UFD1: variants seen among roughly 807,000 people sequenced by gnomAD.
The protein encoded by UFD1 is ubiquitin recognition factor in ER-associated degradation protein 1.
UFD1 carries 13 observed loss-of-function variants against 45.9 expected under a neutral mutation model. The observed-to-expected ratio is 0.28, with a 90% CI of 0.18 to 0.45. UFD1 has a LOEUF of 0.45. Ranked by LOEUF, UFD1 falls within the 20% of genes least tolerant of loss-of-function variation. The pLI, the probability that UFD1 is intolerant of heterozygous loss-of-function variation, is 1.00. For synonymous variants in UFD1, 128 were observed against 139.2 expected, an observed-to-expected ratio of 0.92 and a Z score of 0.56; for missense variants, 218 against 389.2, an observed-to-expected ratio of 0.56 and a Z score of 3.70.
chr22:19,452,867 A>G (rs1363782852), intron 11 of UFD1: 1 of 185,924 alleles, frequency 5.4e-6, no homozygotes, highest in African/African-American at 2.4e-5. Context: ...TTCTCTCTCT[A>G]GAAGCTTTAG....
At chr22:19,477,742 T>C (rs1189041636) in intron 1 of UFD1, among the ~76,000 whole-genome samples, 1 of 152,108 alleles carries the variant, frequency 6.6e-6, no homozygotes, top group African/African-American at 2.4e-5. Flanking sequence ...ATTCCAAATA[T>C]ATATTTAGTA....
Position 19,455,667 on chromosome 22 carries a change from A to G in UFD1, c.767+13T>C. 1 of 1,613,208 alleles carries G rather than the reference A, an allele frequency of 6.2e-7. No homozygotes were observed. Among genetic ancestry groups the G allele is most frequent in the East Asian group, 2.2e-5 (1 of 44,858 alleles). ...CCTCCTCCTGTCCTGGAGGAGAGCC[A>G]GGACAGACCTACCTTTTAATATCTC... On this transcript the variant is annotated intron_variant, in intron 10 of 11. Transcript: ENST00000263202.
chr22:19,475,030 C>T, intron 3 of UFD1, 38 bp downstream of exon 3: 1 of 1,594,604 alleles, frequency 6.3e-7, no homozygotes, highest in Non-Finnish European at 8.5e-7. Context: ...TCCATATGTA[C>T]ATTATCTAAG....
rs1230009766 is a variant in UFD1, at chr22:19,457,980, T to G, written c.564+91A>C. On this transcript the variant is annotated intron_variant, in intron 7 of 11. Coordinates refer to ENST00000263202, the MANE Select transcript of UFD1 (RefSeq NM_005659.7). ...TTTACCCAGAGTCCCAGGGGCTGTT[T>G]GATGCCCTCCTGACACCCTGGCCTG... The G allele has an allele frequency of 1.0e-5, 14 of 1,368,786 alleles. No homozygotes were observed. The East Asian group carries it at 3.2e-4, about 32-fold the overall frequency. The allele number at this position is 1,368,786 out of a possible 1,614,324, so 84.8% of individuals were successfully genotyped here.
In UFD1 at chr22:19,461,984, T is replaced by C. The variant is rs557180389; in HGVS notation, c.495+3218A>G. Reference sequence around the variant, plus strand: ...TTTGTTTTTAAACATTCAATATGCATGTAGACTTTTCAGGGTTTGCTTTTT... The same window carrying C: ...TTTGTTTTTAAACATTCAATATGCACGTAGACTTTTCAGGGTTTGCTTTTT... On this transcript the variant is annotated intron_variant, in intron 6 of 11. Transcript: ENST00000263202. Among the ~76,000 whole-genome samples, 4 of 152,340 alleles carry C rather than the reference T, an allele frequency of 2.6e-5. No individual in the cohort carries two copies. In the South Asian group the frequency reaches 6.2e-4, roughly 24 times the overall value.
chr22:19,475,328 C>T (rs1601904088), intron 2 of UFD1, 142 bp downstream of exon 2: 1 of 1,335,550 alleles, frequency 7.5e-7, no homozygotes, highest in East Asian at 2.3e-5. Flanking sequence ...CCCAACAGAG[C>T]AAGTCAGGGA....
At chr22:19,456,786 A>G (rs2089726811) in intron 8 of UFD1, 67 bp downstream of exon 8, 1 of 1,613,860 alleles carries the variant, frequency 6.2e-7, no homozygotes, top group East Asian at 2.2e-5. Flanking sequence ...GCCACCCACG[A>G]GCCACTGCCA....
rs559609206 is a variant in UFD1, at chr22:19,454,117, C to T, written c.849+632G>A. On this transcript the variant is annotated intron_variant, in intron 11 of 11. Coordinates refer to ENST00000263202, the MANE Select transcript of UFD1 (RefSeq NM_005659.7). Reference sequence around the variant, plus strand: ...AAGGTCTCTGTTGGAAGACGAAGCCCACCCAGGGCACACAGTTCTGTGATA... The same window carrying T: ...AAGGTCTCTGTTGGAAGACGAAGCCTACCCAGGGCACACAGTTCTGTGATA... 6.1e-6 allele frequency: 6 copies of T among 985,694 alleles called. No homozygotes were observed. The East Asian group carries it at 6.8e-4, about 112-fold the overall frequency. The allele number at this position is 985,694 out of a possible 1,614,324, so 61.1% of individuals were successfully genotyped here.
intron 8 of UFD1, 62 bp from the exon 9 acceptor site, chr22:19,456,696 C>T (rs2089725761): frequency 1.9e-6 from 3 of 1,613,478 alleles, no homozygotes; most frequent in South Asian, 2.2e-5. Context: ...TCCCTCTCAC[C>T]CCCACCCCCG....
Position 19,451,191 on chromosome 22 carries a change from T to C in UFD1, c.850-447A>G, listed in dbSNP as rs9618574. ...ACATTTCAGGTCACTTTTCTGTACA[T>C]GCTTAAAGAATTGTTTTCCCACTTA... On this transcript the variant is annotated intron_variant, in intron 11 of 11. Transcript: ENST00000263202. 0.019 allele frequency: 18,801 copies of C among 985,948 alleles called. 2,695 individuals are homozygous for C. The African/African-American group carries it at 0.3, about 16-fold the overall frequency. 61.1% of individuals were successfully genotyped at this position (985,948 alleles called of 1,614,324 possible). A position where few individuals can be genotyped will look rare whatever the true frequency, so the allele number is the denominator to read the frequency against.
chr22:19,474,605 G>T (rs573441099), intron 3 of UFD1, among the ~76,000 whole-genome samples: 3 of 152,314 alleles, frequency 2.0e-5, no homozygotes, highest in Admixed American at 6.5e-5. Flanking sequence ...GCTCAGGAAA[G>T]ATGTTTGGTG....
chr22:19,457,932 GT>G, intron 7 of UFD1, 138 bp downstream of exon 7: 1 of 831,870 alleles, frequency 1.2e-6, no homozygotes, highest in Non-Finnish European at 2.0e-6. Context: ...TCCTCATGAT[GT>G]TCTGACAGCA....
intron 3 of UFD1, among the ~76,000 whole-genome samples, chr22:19,473,275 T>C (rs1394069750): frequency 6.6e-6 from 1 of 152,200 alleles, no homozygotes; most frequent in African/African-American, 2.4e-5. Flanking sequence ...TTTTGTGACT[T>C]AGAGGCTCCC....
chr22:19,465,227 AC>A lies in UFD1; in HGVS notation c.469del (p.Val157Ter). ...CTTTTCATTATAGTTGATGGCAATC[AC>A]ATCCCCGGTGGTCAGACAGGCAAAG... ...RNFACLTTGD[V>X]IAINYNEKIY... On this transcript the variant is annotated frameshift_variant, in exon 6 of 12. Transcript: ENST00000263202. LOFTEE classifies it high-confidence loss of function. The A allele has an allele frequency of 6.2e-7, 1 of 1,614,196 alleles. No homozygotes were observed. The highest frequency in any genetic ancestry group is 8.5e-7 in the Non-Finnish European group (1 of 1,180,036).
Position 19,454,749 on chromosome 22 carries a change from C to CTCT in UFD1, c.846_848dup (p.Glu283dup). ...AGGAAATACAAGGAAATACACTCACCTCTTCAACCTTTTTGACAAGGGGAC... is the reference window on the plus strand; with the variant it reads ...AGGAAATACAAGGAAATACACTCACCTCTTCTTCAACCTTTTTGACAAGGGGAC... On this transcript the variant is annotated inframe_insertion and splice_region_variant, in exon 11 of 12. Coordinates refer to ENST00000263202, the MANE Select transcript of UFD1 (RefSeq NM_005659.7). The CTCT allele has an allele frequency of 6.2e-7, 1 of 1,614,114 alleles. No individual in the cohort carries two copies. The highest frequency in any genetic ancestry group is 8.5e-7 in the Non-Finnish European group (1 of 1,179,992).
chr22:19,467,105 TA>T (rs1353653389), intron 5 of UFD1: 1 of 151,498 alleles, frequency 6.6e-6, no homozygotes, highest in African/African-American at 2.4e-5. Flanking sequence ...GAGAGAGCGC[TA>T]CTGGGAAAGG....
At chr22:19,454,428 A>G in intron 11 of UFD1, 5 of 734,136 alleles carry the variant, frequency 6.8e-6, no homozygotes, top group South Asian at 2.9e-5. Flanking sequence ...CCGTGCTGTT[A>G]TCATGATAGT....
At position 19,471,752 on chromosome 22, in the gene UFD1, G is replaced by A. The variant is rs776363388; in HGVS notation, c.226C>T (p.Arg76Cys). ...LFKLTNKNSD[R>C]MTHCGVLEFV... ...TCCAGCACGCCACAATGCGTCATGC[G>A]GTCCGAATTCTTATTGGTCAGTTTG... Residue 76 changes from arginine to cysteine, a missense_variant, in exon 4 of 12, where the codon CGC becomes TGC. By Grantham distance (180) the Arg-to-Cys change is radical. Transcript: ENST00000263202. 3.1e-6 allele frequency: 5 copies of A among 1,614,116 alleles called. No individual in the cohort carries two copies. Among genetic ancestry groups the A allele is most frequent in the East Asian group, 2.2e-5 (1 of 44,880 alleles).
At chr22:19,461,116 A>C (rs2089763348) in intron 6 of UFD1, among the ~76,000 whole-genome samples, 1 of 152,188 alleles carries the variant, frequency 6.6e-6, no homozygotes, top group Non-Finnish European at 1.5e-5. Flanking sequence ...AGCGGAATGT[A>C]GTATTTGTCT....
Sources: allele counts gnomAD v4.1 joint callset (sites outside exome capture counted in the v4.1 genomes callset), GRCh38; gene constraint gnomAD v4.1.1; transcripts MANE v1.5; gene names NCBI Gene and HGNC (gene_info 2026-07-23, HGNC 2026-07-21).